IPPK: variants seen among roughly 807,000 people sequenced by gnomAD.
IPPK encodes the protein inositol-pentakisphosphate 2-kinase.
A neutral mutation model predicts 64.6 loss-of-function variants in IPPK; 22 were observed. The observed-to-expected ratio is 0.34, with a 90% CI of 0.24 to 0.49. IPPK has a LOEUF of 0.49. IPPK is among the 20% of genes least tolerant of loss of function. The pLI is 0.99. For synonymous variants in IPPK, 262 were observed against 247.2 expected (o/e 1.06, Z -0.56); for missense variants, 532 against 630.7 (o/e 0.84, Z 1.68).
chr9:92,654,333 A>G (rs565977026), intron 3 of IPPK, among the ~76,000 whole-genome samples: 108 of 152,312 alleles, frequency 7.1e-4, no homozygotes, highest in Non-Finnish European at 1.4e-3. Flanking sequence ...CCTGCCCAAC[A>G]TGGTGAAACC....
At chr9:92,621,644 A>G (rs1851634066) in intron 11 of IPPK, among the ~76,000 whole-genome samples, 1 of 151,266 alleles carries the variant, frequency 6.6e-6, no homozygotes. Flanking sequence ...TCTCTCAGGC[A>G]GGTAAGACTA....
chr9:92,653,598 T>G (rs1217354111), intron 3 of IPPK, among the ~76,000 whole-genome samples: 2 of 152,248 alleles, frequency 1.3e-5, no homozygotes, highest in Admixed American at 6.5e-5. Flanking sequence ...ATGCCTGTAA[T>G]TCCAGCACTT....
intron 1 of IPPK, among the ~76,000 whole-genome samples, chr9:92,668,284 T>A (rs1476568205): frequency 6.6e-6 from 1 of 151,886 alleles, no homozygotes; most frequent in African/African-American, 2.4e-5. Flanking sequence ...AATAAATAAA[T>A]AAAAATAAAC....
intron 11 of IPPK, among the ~76,000 whole-genome samples, chr9:92,630,457 T>A (rs1851817757): frequency 1.3e-5 from 2 of 152,182 alleles, no homozygotes; most frequent in Non-Finnish European, 2.9e-5. Context: ...TCAACTGTGC[T>A]GATGATTGCA....
In IPPK at chr9:92,652,624, G is replaced by A. The variant is rs771167969; in HGVS notation, c.241C>T (p.Pro81Ser). The A allele has an allele frequency of 1.9e-6, 3 of 1,569,620 alleles. No individual in the cohort carries two copies. Among genetic ancestry groups the A allele is most frequent in the Non-Finnish European group, 1.7e-6 (2 of 1,147,540 alleles). The part of the protein sequence containing the change: ...YVHYGEVVQL[P>S]LEFVKQLCLK... ...CAAAGCTGTTTCACAAACTCTAAAG[G>A]TAGCTGAACGACCTCCTGTAAGAAA... is the stretch of plus-strand genomic sequence containing the variant. Residue 81 changes from proline (P) to serine (S), a missense_variant, in exon 4 of 13, where the codon CCT (proline) becomes TCT (serine). Coordinates refer to ENST00000287996, the MANE Select transcript of IPPK (RefSeq NM_022755.6).
At chr9:92,619,341 A>G (rs1851548821) in intron 12 of IPPK, 145 bp downstream of exon 12, 1 of 646,246 alleles carries the variant, frequency 1.5e-6, no homozygotes, top group Non-Finnish European at 2.8e-6. Context: ...AGTAAGCCCC[A>G]TGATGTCACA....
chr9:92,659,634 T>C (rs1238001361), intron 1 of IPPK, among the ~76,000 whole-genome samples: 1 of 152,118 alleles, frequency 6.6e-6, no homozygotes, highest in Non-Finnish European at 1.5e-5. Context: ...GAAGCGCCCC[T>C]GCCGAGGCCA....
At chr9:92,666,639 T>A (rs971102366) in intron 1 of IPPK, among the ~76,000 whole-genome samples, 3 of 152,286 alleles carry the variant, frequency 2.0e-5, no homozygotes, top group Middle Eastern at 3.4e-3. Flanking sequence ...ACACCATGGT[T>A]ACCTGTGCCT....
chr9:92,650,394 G>A (rs1213216214), intron 4 of IPPK, among the ~76,000 whole-genome samples: 2 of 152,104 alleles, frequency 1.3e-5, no homozygotes, highest in African/African-American at 4.8e-5. Context: ...CACGCCTTAT[G>A]GTATCGGCTC....
intron 12 of IPPK, 131 bp from the exon 13 acceptor site, chr9:92,616,188 A>G: frequency 1.5e-6 from 1 of 652,924 alleles, no homozygotes; most frequent in Non-Finnish European, 2.6e-6. Flanking sequence ...AAAGTTAGAT[A>G]AATCAATCTC....
Position 92,615,975 on chromosome 9 carries a change from A to G in IPPK, c.1333T>C (p.Tyr445His). Reference sequence around the variant, plus strand: ...TTATACTGATGGGGAATGCTCTCGTAGGGCTTGAGGTCAAGGTCCAGCACA... The same window carrying G: ...TTATACTGATGGGGAATGCTCTCGTGGGGCTTGAGGTCAAGGTCCAGCACA... ...VSVLDLDLKP[Y>H]ESIPHQYKLD... Residue 445 changes from tyrosine to histidine, a missense_variant, in exon 13 of 13, where the codon TAC (tyrosine) becomes CAC (histidine). Coordinates refer to ENST00000287996, the MANE Select transcript of IPPK (RefSeq NM_022755.6). 1.2e-6 allele frequency: 2 copies of G among 1,614,114 alleles called. No homozygotes were observed. The highest frequency in any genetic ancestry group is 1.7e-6 in the Non-Finnish European group (2 of 1,180,018).
At chr9:92,656,043 C>T (rs909334930) in intron 3 of IPPK, among the ~76,000 whole-genome samples, 17 of 152,176 alleles carry the variant, frequency 1.1e-4, no homozygotes, top group Non-Finnish European at 2.2e-4. Flanking sequence ...CATTGGGCAG[C>T]GGAGGCCCTT....
At position 92,614,829 on chromosome 9, in the gene IPPK, CCT is replaced by C. The variant is rs1442291491; in HGVS notation, c.*1001_*1002del. 2 of 152,660 alleles carry C rather than the reference CCT, an allele frequency of 1.3e-5. No individual in the cohort carries two copies. Among genetic ancestry groups the C allele is most frequent in the Non-Finnish European group, 2.9e-5 (2 of 68,054 alleles). 9.5% of individuals were successfully genotyped at this position (152,660 alleles called of 1,614,324 possible). On this transcript the variant is annotated 3_prime_UTR_variant, in exon 13 of 13. Coordinates refer to ENST00000287996, the MANE Select transcript of IPPK (RefSeq NM_022755.6). ...ACACTTTGGTGACCCCAACGAGAAC[CCT>C]CTCGGCAGCAGCCAGGAGCTGTTCA...
chr9:92,658,752 G>T (rs1325367031), intron 1 of IPPK, 71 bp from the exon 2 acceptor site: 3 of 1,396,216 alleles, frequency 2.1e-6, no homozygotes, highest in Non-Finnish European at 2.0e-6. Flanking sequence ...GTCAGTTTGG[G>T]GGTCCCATCC....
intron 6 of IPPK, among the ~76,000 whole-genome samples, chr9:92,647,178 G>A (rs548588266): frequency 1.7e-4 from 26 of 152,206 alleles, no homozygotes; most frequent in African/African-American, 6.3e-4. Flanking sequence ...GATGAAAATG[G>A]ACAAATTCCT....
intron 7 of IPPK, 128 bp from the exon 8 acceptor site, chr9:92,640,910 A>G (rs973689758): frequency 1.7e-5 from 12 of 714,206 alleles, no homozygotes; most frequent in Admixed American, 5.8e-5. Flanking sequence ...CCAGAGTCCA[A>G]CTAGGTCCAA....
Position 92,634,411 on chromosome 9 carries a change from C to T in IPPK, c.1145G>A (p.Gly382Glu). 1 of 1,613,898 alleles carries T rather than the reference C, an allele frequency of 6.2e-7. No individual in the cohort carries two copies. The highest frequency in any genetic ancestry group is 8.5e-7 in the Non-Finnish European group (1 of 1,179,746). The change falls in exon 11 of 13, where the codon GGG (glycine) becomes GAG (glutamate). Residue 382 changes from glycine to glutamate, a missense_variant. Physicochemically the swap from Gly to Glu is moderately conservative, Grantham distance 98. Coordinates refer to ENST00000287996, the MANE Select transcript of IPPK (RefSeq NM_022755.6). ...KLLDLSTEDD[G>E]TVAFALTKVQ... Reference sequence around the variant, plus strand: ...CTTCGTTAGCGCGAAGGCCACTGTCCCGTCATCCTCAGTGGAAAGGTCAAG... The same window carrying T: ...CTTCGTTAGCGCGAAGGCCACTGTCTCGTCATCCTCAGTGGAAAGGTCAAG...
chr9:92,627,376 C>T (rs1360949378), intron 11 of IPPK, among the ~76,000 whole-genome samples: 1 of 152,106 alleles, frequency 6.6e-6, no homozygotes, highest in East Asian at 1.9e-4. Context: ...GTGTTACACC[C>T]CGATCCCAAA....
chr9:92,616,109 C>T, intron 12 of IPPK, 52 bp from the exon 13 acceptor site: 1 of 1,281,954 alleles, frequency 7.8e-7, no homozygotes, highest in Non-Finnish European at 1.1e-6. Context: ...ATTCATTTCC[C>T]TCCCTCCCGT....
Sources: allele counts gnomAD v4.1 joint callset (sites outside exome capture counted in the v4.1 genomes callset), GRCh38; gene constraint gnomAD v4.1.1; transcripts MANE v1.5; gene names NCBI Gene and HGNC (gene_info 2026-07-23, HGNC 2026-07-21).